The following LDLRAD3 variants were observed in gnomAD, a reference collection of about 807,000 sequenced individuals.
The protein encoded by LDLRAD3 is low-density lipoprotein receptor class A domain-containing protein 3.
Under a neutral mutation model 29.4 loss-of-function variants are expected in LDLRAD3, and 20 were observed. The observed-to-expected ratio is 0.68, with a 90% CI of 0.48 to 0.99. The LOEUF (loss-of-function observed/expected upper bound fraction) is 0.99, where lower values mean the gene tolerates loss of function less well. LDLRAD3 is among the 50% of genes least tolerant of loss of function. LDLRAD3 has a pLI of 0.00. For missense variants in LDLRAD3, 420 were observed against 454.3 expected (o/e 0.92, Z 0.69); for synonymous variants, 157 against 192.7 (o/e 0.81, Z 1.53).
chr11:36,073,949 C>T (rs1292302426), intron 2 of LDLRAD3, among the ~76,000 whole-genome samples: 1 of 152,178 alleles, frequency 6.6e-6, no homozygotes, highest in Non-Finnish European at 1.5e-5. Flanking sequence ...TTAGCAGTGT[C>T]AAGTTACTTC....
intron 4 of LDLRAD3, chr11:36,197,882 TA>T (rs59189246): frequency 5.5e-3 from 774 of 139,756 alleles, no homozygotes; most frequent in African/African-American, 7.5e-3. Flanking sequence ...CCCCATGTCT[TA>T]AAAAAAAAAA....
At chr11:36,024,709 C>A (rs1037749749) in intron 1 of LDLRAD3, among the ~76,000 whole-genome samples, 3 of 152,204 alleles carry the variant, frequency 2.0e-5, no homozygotes, top group African/African-American at 7.2e-5. Flanking sequence ...TTTGGCCCTT[C>A]CTTAGTTGCA....
At chr11:35,960,674 G>A (rs1222424487) in intron 1 of LDLRAD3, among the ~76,000 whole-genome samples, 2 of 152,168 alleles carry the variant, frequency 1.3e-5, no homozygotes, top group African/African-American at 4.8e-5. Flanking sequence ...TCGGCTCACT[G>A]CAACCCCCCG....
intron 1 of LDLRAD3, among the ~76,000 whole-genome samples, chr11:35,996,573 A>G (rs1050911041): frequency 1.3e-5 from 2 of 152,226 alleles, no homozygotes; most frequent in African/African-American, 4.8e-5. Context: ...CAGGATTGCC[A>G]TAGACCTTCA....
intron 4 of LDLRAD3, among the ~76,000 whole-genome samples, chr11:36,208,368 G>A (rs935559664): frequency 5.9e-5 from 9 of 152,216 alleles, no homozygotes; most frequent in African/African-American, 2.2e-4. Flanking sequence ...GGCGCGAGCA[G>A]GTTCAGCCAT....
intron 2 of LDLRAD3, among the ~76,000 whole-genome samples, chr11:36,039,311 G>GTGA (rs1852351066): frequency 1.3e-5 from 2 of 152,150 alleles, no homozygotes; most frequent in African/African-American, 4.8e-5. Context: ...GAGTGAGGGT[G>GTGA]TGAGCCCTTG....
intron 2 of LDLRAD3, among the ~76,000 whole-genome samples, chr11:36,066,989 G>A (rs1340173326): frequency 6.6e-6 from 1 of 152,074 alleles, no homozygotes; most frequent in African/African-American, 2.4e-5. Context: ...CATGTCCCAG[G>A]TGTCCTAACT....
At chr11:36,067,397 T>C (rs10768176) in intron 2 of LDLRAD3, among the ~76,000 whole-genome samples, 30,002 of 152,182 alleles carry the variant, frequency 0.2, 3,396 homozygotes, top group East Asian at 0.32. Flanking sequence ...TAGTGTAATA[T>C]CAAATAATAA....
At chr11:36,170,700 T>C (rs1854586005) in intron 4 of LDLRAD3, among the ~76,000 whole-genome samples, 1 of 152,204 alleles carries the variant, frequency 6.6e-6, no homozygotes, top group Non-Finnish European at 1.5e-5. Context: ...TGGCCATTCT[T>C]GCAAGAGTAA....
intron 4 of LDLRAD3, among the ~76,000 whole-genome samples, chr11:36,224,733 G>C (rs1371139436): frequency 2.6e-5 from 4 of 152,202 alleles, no homozygotes; most frequent in Non-Finnish European, 4.4e-5. Context: ...CCTTGAAGGG[G>C]AAGGTCCTCA....
intron 4 of LDLRAD3, among the ~76,000 whole-genome samples, chr11:36,185,154 T>G (rs1854827988): frequency 6.6e-6 from 1 of 152,214 alleles, no homozygotes; most frequent in African/African-American, 2.4e-5. Flanking sequence ...CTCTGTTTAT[T>G]CCAGCCCATG....
rs1162264522 is a variant in LDLRAD3, at chr11:36,044,708, G to A, written c.193+8459G>A. 2.0e-5 allele frequency among the ~76,000 whole-genome samples: 3 copies of A among 152,184 alleles called. 1 individual carries two copies. The highest frequency in any genetic ancestry group is 4.4e-5 in the Non-Finnish European group (3 of 68,038). On this transcript the variant is annotated intron_variant, in intron 2 of 5. Coordinates refer to ENST00000315571, the MANE Select transcript of LDLRAD3 (RefSeq NM_174902.4). ...GAGCCAGCCAGATGCCCAAACTGGTGCAAAAGGGAAGGAAACAAACATTTG... is the reference window on the plus strand; with the variant it reads ...GAGCCAGCCAGATGCCCAAACTGGTACAAAAGGGAAGGAAACAAACATTTG...
chr11:36,115,639 C>G (rs78226145), intron 4 of LDLRAD3, among the ~76,000 whole-genome samples: 4 of 152,290 alleles, frequency 2.6e-5, no homozygotes, highest in African/African-American at 9.6e-5. Context: ...TATCACCCCA[C>G]GGTCACATCC....
At chr11:36,152,112 G>T (rs995782618) in intron 4 of LDLRAD3, among the ~76,000 whole-genome samples, 1 of 150,300 alleles carries the variant, frequency 6.7e-6, no homozygotes. Context: ...CCGCAAATTG[G>T]CCACTTGGCT....
chr11:36,079,793 A>G (rs905185149), intron 2 of LDLRAD3, among the ~76,000 whole-genome samples: 4 of 152,020 alleles, frequency 2.6e-5, no homozygotes, highest in Admixed American at 2.6e-4. Context: ...GTGATTAGCC[A>G]TTTCTTGGAA....
At chr11:36,096,922 G>C (rs1176530317) in intron 3 of LDLRAD3, among the ~76,000 whole-genome samples, 1 of 152,216 alleles carries the variant, frequency 6.6e-6, no homozygotes, top group African/African-American at 2.4e-5. Context: ...GCTGGGATTG[G>C]AGTAATTTCT....
At chr11:36,135,683 G>T (rs1258649820) in intron 4 of LDLRAD3, among the ~76,000 whole-genome samples, 1 of 152,186 alleles carries the variant, frequency 6.6e-6, no homozygotes, top group African/African-American at 2.4e-5. Flanking sequence ...GCCGAGGCGG[G>T]CGGATCACTT....
intron 1 of LDLRAD3, among the ~76,000 whole-genome samples, chr11:36,030,197 C>T (rs143674539): frequency 6.6e-6 from 1 of 152,312 alleles, no homozygotes. Context: ...ACTCAGACAG[C>T]CTTGTGTGAC....
At chr11:36,163,954 T>G (rs2133340987) in intron 4 of LDLRAD3, among the ~76,000 whole-genome samples, 1 of 152,318 alleles carries the variant, frequency 6.6e-6, no homozygotes, top group Middle Eastern at 3.4e-3. Flanking sequence ...TGGCTTCAGT[T>G]TTCACTGCTT....
Sources: gnomAD v4.1 joint callset for allele counts (sites outside exome capture counted in the v4.1 genomes callset) on GRCh38, gnomAD v4.1.1 for gene constraint, MANE v1.5 for transcripts, NCBI Gene and HGNC (gene_info 2026-07-23, HGNC 2026-07-21) for gene names.